RELL1: variants seen among roughly 807,000 people sequenced by gnomAD.
The protein encoded by RELL1 is RELT like 1.
Under a neutral mutation model 23.0 loss-of-function variants are expected in RELL1, and 10 were observed. That is an observed-to-expected ratio of 0.43 (90% CI 0.27 to 0.74). The LOEUF (loss-of-function observed/expected upper bound fraction) is 0.74, where lower values mean the gene tolerates loss of function less well. RELL1 is among the 30% of genes least tolerant of loss of function. The pLI, the probability that RELL1 is intolerant of heterozygous loss-of-function variation, is 0.19. For missense variants in RELL1, 315 were observed against 364.4 expected, an observed-to-expected ratio of 0.86 and a Z score of 1.10; for synonymous variants, 146 against 146.8, an observed-to-expected ratio of 0.99 and a Z score of 0.04.
intron 1 of RELL1, among the ~76,000 whole-genome samples, chr4:37,653,196 C>T (rs1721009100): frequency 6.6e-6 from 1 of 152,180 alleles, no homozygotes; most frequent in Non-Finnish European, 1.5e-5. Flanking sequence ...ACTCCATGCT[C>T]ACCTTATCTT....
At position 37,631,400 on chromosome 4, in the gene RELL1, A is replaced by C. The variant is rs749305628; in HGVS notation, c.804T>G (p.Ser268Arg). Reference protein sequence around the residue: ...VPATPVKRERSGTE With the variant: ...VPATPVKRERRGTE ...CACGGCTCACCTGCTACTCTGTGCC[A>C]CTGCGTTCTCTCTTCACAGGTGTTG... The change falls in exon 6 of 7, where the codon AGT (serine) becomes AGG (arginine). Residue 268 changes from serine (S) to arginine (R), a missense_variant. Ser to Arg is a moderately radical substitution (Grantham distance 110, BLOSUM62 -1). Coordinates refer to ENST00000454158, the MANE Select transcript of RELL1 (RefSeq NM_001085400.2). The C allele has an allele frequency of 6.2e-7, 1 of 1,613,868 alleles. No individual in the cohort carries two copies. The highest frequency in any genetic ancestry group is 1.1e-5 in the South Asian group (1 of 90,990).
chr4:37,597,751 T>C (rs1483157854), intron 6 of RELL1, among the ~76,000 whole-genome samples: 1 of 152,228 alleles, frequency 6.6e-6, no homozygotes, highest in Non-Finnish European at 1.5e-5. Context: ...TTGTGGTTTT[T>C]AAATTAAAAT....
chr4:37,678,166 G>C (rs569719376), intron 1 of RELL1, among the ~76,000 whole-genome samples: 382 of 152,258 alleles, frequency 2.5e-3, no homozygotes, highest in Non-Finnish European at 4.3e-3. Flanking sequence ...GCAAGAGAGA[G>C]TTGGGGGGGA....
At chr4:37,676,111 T>TAG (rs1029181946) in intron 1 of RELL1, among the ~76,000 whole-genome samples, 32 of 152,314 alleles carry the variant, frequency 2.1e-4, no homozygotes, top group African/African-American at 7.0e-4. Flanking sequence ...CACTGGAGTC[T>TAG]AGTTTGTCCA....
intron 3 of RELL1, among the ~76,000 whole-genome samples, chr4:37,646,268 A>G (rs559573481): frequency 2.7e-4 from 41 of 152,246 alleles, no homozygotes; most frequent in Non-Finnish European, 5.1e-4. Context: ...AAGTTTCTTT[A>G]CTCAAGATTA....
chr4:37,588,687 T>C (rs1718438129), downstream of RELL1: 2 of 570,464 alleles, frequency 3.5e-6, no homozygotes, highest in African/African-American at 3.7e-5. Flanking sequence ...GTATTCCTGG[T>C]AACCAGCACC....
At chr4:37,606,000 TAGA>T (rs1389428980), downstream of RELL1, among the ~76,000 whole-genome samples, 1 of 98,792 alleles carries the variant, frequency 1.0e-5, no homozygotes, top group Non-Finnish European at 2.1e-5. Context: ...GAAGAGAGGG[TAGA>T]AGAAAGGAGG....
At position 37,635,344 on chromosome 4, in the gene RELL1, G is replaced by A. The variant is rs144983937; in HGVS notation, c.444-221C>T. On this transcript the variant is annotated intron_variant, in intron 4 of 6. Coordinates refer to ENST00000454158, the MANE Select transcript of RELL1 (RefSeq NM_001085400.2). ...CTTAAGCAATAATAATATGATTCAC[G>A]GTCAGGCACAACAGCTCATGCCTAT... Among the ~76,000 whole-genome samples the A allele has an allele frequency of 2.6e-4, 39 of 152,190 alleles. No individual in the cohort carries two copies. The East Asian group carries it at 6.0e-3, about 23-fold the overall frequency.
rs747959110 is a variant in RELL1, at chr4:37,635,090, T to C, written c.477A>G (p.Pro159=). ...PVTPSTPGSP[P]VSPGPLSPGG... is the part of the protein sequence containing the mutation. ...CTGGTGACAAAGGCCCAGGACTCACTGGCGGGCTCCCTGGTGTGCTGGGGG... is the reference window on the plus strand; with the variant it reads ...CTGGTGACAAAGGCCCAGGACTCACCGGCGGGCTCCCTGGTGTGCTGGGGG... Residue 159 remains proline (P), a synonymous_variant, in exon 5 of 7, where the codon CCA becomes CCG. Transcript: ENST00000454158. 6.2e-7 allele frequency: 1 copy of C among 1,614,086 alleles called. No individual in the cohort carries two copies. Among genetic ancestry groups the C allele is most frequent in the Non-Finnish European group, 8.5e-7 (1 of 1,180,008 alleles).
intron 6 of RELL1, among the ~76,000 whole-genome samples, chr4:37,602,961 AAAC>A (rs1418737191): frequency 1.3e-5 from 2 of 152,246 alleles, no homozygotes; most frequent in Non-Finnish European, 2.9e-5. Context: ...CCGATGAGAA[AAAC>A]AATAAAGACA....
intron 6 of RELL1, among the ~76,000 whole-genome samples, chr4:37,624,205 G>A (rs1371627185): frequency 2.0e-5 from 3 of 152,154 alleles, no homozygotes; most frequent in African/African-American, 7.2e-5. Flanking sequence ...TTTGAGCCAT[G>A]AAAGAGTCTT....
rs561549089 is a variant in RELL1 at position 37,675,282 on chromosome 4, G to A, written c.88+10918C>T. Among the ~76,000 whole-genome samples the A allele has an allele frequency of 5.3e-5, 8 of 152,308 alleles. No homozygotes were observed. The South Asian group carries it at 6.2e-4, about 12-fold the overall frequency. On this transcript the variant is annotated intron_variant, in intron 1 of 6. Transcript: ENST00000454158. ...ACTTTCCTTCTACTAGTGGTGCTGG[G>A]CACCGAATACCTGCAATTTCACATA...
At chr4:37,638,365 C>T in intron 4 of RELL1, 82 bp downstream of exon 4, 1 of 1,087,642 alleles carries the variant, frequency 9.2e-7, no homozygotes, top group Non-Finnish European at 1.4e-6. Flanking sequence ...CCTGCTCTAG[C>T]AGAAGAGCAT....
chr4:37,635,617 C>A (rs1488381989), intron 4 of RELL1, among the ~76,000 whole-genome samples: 3 of 152,000 alleles, frequency 2.0e-5, no homozygotes, highest in Non-Finnish European at 2.9e-5. Flanking sequence ...CAGAGTGAGA[C>A]CTGTCTCTAG....
intron 6 of RELL1, among the ~76,000 whole-genome samples, chr4:37,628,797 T>G (rs1181007948): frequency 6.6e-6 from 1 of 152,214 alleles, no homozygotes; most frequent in Non-Finnish European, 1.5e-5. Context: ...AAGCTCAGAT[T>G]TGCACCCATG....
chr4:37,589,049 A>G, downstream of RELL1: 1 of 570,132 alleles, frequency 1.8e-6, no homozygotes. Context: ...TTGTTATAAT[A>G]TCATTTAAAA....
intron 1 of RELL1, among the ~76,000 whole-genome samples, chr4:37,666,242 A>G (rs11730735): frequency 0.21 from 32,221 of 152,192 alleles, 3,675 homozygotes; most frequent in African/African-American, 0.28. Context: ...GAAGTCACTC[A>G]TCTGGGAAAT....
intron 6 of RELL1, among the ~76,000 whole-genome samples, chr4:37,598,341 A>G (rs992548194): frequency 1.3e-5 from 2 of 150,918 alleles, no homozygotes; most frequent in African/African-American, 4.9e-5. Flanking sequence ...CTTCAAAATA[A>G]TTTGCCAAAT....
chr4:37,686,335 C>G lies in RELL1; in HGVS notation c.-48G>C, dbSNP rs763063509. ...CCCCCAGGGCGCCGCGTCCCGCGCT[C>G]GGGAAGGCAGAGCCGCTCCGGAGCC... On this transcript the variant is annotated 5_prime_UTR_variant, in exon 1 of 7. Transcript: ENST00000454158. 15 of 1,419,828 alleles carry G rather than the reference C, an allele frequency of 1.1e-5. 1 individual carries two copies. The South Asian group carries it at 1.8e-4, about 17-fold the overall frequency. 88.0% of individuals were successfully genotyped at this position (1,419,828 alleles called of 1,614,324 possible). A position where few individuals can be genotyped will look rare whatever the true frequency, so the allele number is the denominator to read the frequency against.
Sources: gnomAD v4.1 joint callset for allele counts (sites outside exome capture counted in the v4.1 genomes callset) on GRCh38, gnomAD v4.1.1 for gene constraint, MANE v1.5 for transcripts, NCBI Gene and HGNC (gene_info 2026-07-23, HGNC 2026-07-21) for gene names.